Variants in CPA5 observed in about 807,000 individuals in gnomAD.
The protein encoded by CPA5 is testicular tissue protein Li 32.
In CPA5, 38 loss-of-function variants were observed where a neutral mutation model predicts 52.2. The observed-to-expected ratio is 0.73, with a 90% confidence interval of 0.56 to 0.95. CPA5 has a LOEUF of 0.95. Among genes scored for constraint, CPA5 ranks in the 40% least tolerant of loss-of-function variants. The probability of loss-of-function intolerance (pLI) is 0.00; values close to 1 mark genes in which losing one functional copy is unlikely to be tolerated. For synonymous variants in CPA5, 198 were observed against 213.7 expected (o/e 0.93, Z 0.64); for missense variants, 519 against 566.7 (o/e 0.92, Z 0.86).
At chr7:130,349,034 C>T (rs1794956885) in intron 4 of CPA5, among the ~76,000 whole-genome samples, 1 of 152,164 alleles carries the variant, frequency 6.6e-6, no homozygotes, top group Non-Finnish European at 1.5e-5. Flanking sequence ...AACCCTTATT[C>T]GACTTAATAA....
In CPA5 at chr7:130,361,554, G is replaced by A. The variant is rs145113832; in HGVS notation, c.534+310G>A. 7.9e-3 allele frequency among the ~76,000 whole-genome samples: 1,209 copies of A among 152,234 alleles called. 57 individuals carry two copies. Among genetic ancestry groups the A allele is most frequent in the Admixed American group, 0.071 (1,081 of 15,288 alleles). On this transcript the variant is annotated intron_variant, in intron 7 of 12. Transcript: ENST00000474905. ...GGGGTGTGAGTGTGGGTGAGCTGGC[G>A]TTCTATTACCTCAGTTGCTTCATCT...
At chr7:130,362,335 G>A (rs1795833534) in intron 7 of CPA5, 103 bp from the exon 8 acceptor site, 2 of 731,004 alleles carry the variant, frequency 2.7e-6, no homozygotes, top group Non-Finnish European at 4.7e-6. Flanking sequence ...GCTTAAAGCT[G>A]CCCCAGGCAC....
chr7:130,358,377 G>T (rs573873053), intron 5 of CPA5, among the ~76,000 whole-genome samples: 1 of 152,082 alleles, frequency 6.6e-6, no homozygotes, highest in African/African-American at 2.4e-5. Flanking sequence ...TAGAATGCCT[G>T]GTTCTTATCT....
intron 5 of CPA5, among the ~76,000 whole-genome samples, chr7:130,354,628 G>C (rs1337727763): frequency 4.0e-5 from 6 of 151,896 alleles, no homozygotes; most frequent in Admixed American, 1.3e-4. Context: ...TGGCCAGGCT[G>C]GTCCCAAACT....
At chr7:130,364,747 G>C (rs1360910523) in intron 10 of CPA5, among the ~76,000 whole-genome samples, 1 of 152,266 alleles carries the variant, frequency 6.6e-6, no homozygotes, top group Non-Finnish European at 1.5e-5. Flanking sequence ...CAGTGAGGGG[G>C]AGGGGGCAGC....
intron 5 of CPA5, among the ~76,000 whole-genome samples, chr7:130,358,141 C>G (rs747882030): frequency 6.6e-6 from 1 of 151,992 alleles, no homozygotes; most frequent in East Asian, 1.9e-4. Flanking sequence ...TGCGGGCATG[C>G]GTCACCAAGC....
At chr7:130,347,939 T>C in intron 4 of CPA5, 92 bp downstream of exon 4, 1 of 980,530 alleles carries the variant, frequency 1.0e-6, no homozygotes, top group Non-Finnish European at 1.6e-6. Flanking sequence ...ATCCCAAACC[T>C]GCCCTCCTGA....
intron 5 of CPA5, among the ~76,000 whole-genome samples, chr7:130,358,377 G>A (rs573873053): frequency 3.9e-5 from 6 of 152,082 alleles, no homozygotes; most frequent in African/African-American, 1.4e-4. Context: ...TAGAATGCCT[G>A]GTTCTTATCT....
chr7:130,374,074 C>T, the CPA5 span, among the ~76,000 whole-genome samples: 1 of 152,082 alleles, frequency 6.6e-6, no homozygotes, highest in Non-Finnish European at 1.5e-5. Context: ...CAGACCCGGT[C>T]CCAGGCATGT....
At chr7:130,361,313 G>A in intron 7 of CPA5, 69 bp downstream of exon 7, 1 of 1,094,396 alleles carries the variant, frequency 9.1e-7, no homozygotes, top group Admixed American at 1.8e-5. Context: ...GATCTCATAT[G>A]GGGTAGTGGC....
chr7:130,357,587 T>C (rs1554405524), intron 5 of CPA5, among the ~76,000 whole-genome samples: 2 of 149,992 alleles, frequency 1.3e-5, no homozygotes, highest in South Asian at 2.1e-4. Context: ...CACGCCACTG[T>C]ACTCCAGCCT....
rs1247875100 is a variant in CPA5 at position 130,362,989 on chromosome 7, A to G, written c.742A>G (p.Ser248Gly). 1 of 1,594,358 alleles carries G rather than the reference A, an allele frequency of 6.3e-7. No individual in the cohort carries two copies. The highest frequency in any genetic ancestry group is 8.6e-7 in the Non-Finnish European group (1 of 1,162,268). The change falls in exon 9 of 13, where the codon AGC becomes GGC. Residue 248 changes from serine (S) to glycine (G), a missense_variant. Ser to Gly is a moderately conservative substitution (Grantham distance 56). Coordinates refer to ENST00000474905, the MANE Select transcript of CPA5 (RefSeq NM_080385.5). ...TNPDGFAFTH[S>G]MNRLWRKNKS... ...CCCTGATGGGTTTGCTTTTACCCAC[A>G]GCATGGTGAGGGAACCTGGGAAGGA... is the stretch of plus-strand genomic sequence containing the variant.
chr7:130,364,670 A>C (rs755534744), intron 10 of CPA5, among the ~76,000 whole-genome samples: 4 of 152,192 alleles, frequency 2.6e-5, no homozygotes, highest in Non-Finnish European at 4.4e-5. Context: ...GGCTGGCTTG[A>C]GCCTGATTTT....
chr7:130,354,151 C>T (rs1207216522), intron 5 of CPA5, among the ~76,000 whole-genome samples: 1 of 152,112 alleles, frequency 6.6e-6, no homozygotes, highest in Non-Finnish European at 1.5e-5. Flanking sequence ...TGCTCTTGAA[C>T]TCCTGGGCTC....
At chr7:130,357,950 C>CTGTGTGTG (rs1491444787) in intron 5 of CPA5, among the ~76,000 whole-genome samples, 7 of 77,868 alleles carry the variant, frequency 9.0e-5, no homozygotes, top group South Asian at 5.5e-4. Context: ...GTTTTTGTGC[C>CTGTGTGTG]TCTGTGTGTG....
chr7:130,361,682 C>A (rs1400872642), intron 7 of CPA5, among the ~76,000 whole-genome samples: 1 of 152,212 alleles, frequency 6.6e-6, no homozygotes, highest in Admixed American at 6.5e-5. Flanking sequence ...AGCCTCCCAG[C>A]CCTTCACAGG....
chr7:130,354,645 C>T (rs1469155985), intron 5 of CPA5, among the ~76,000 whole-genome samples: 1 of 152,128 alleles, frequency 6.6e-6, no homozygotes, highest in African/African-American at 2.4e-5. Context: ...AACTCCTGGC[C>T]TCAAGTGATC....
intron 5 of CPA5, among the ~76,000 whole-genome samples, chr7:130,356,521 C>T (rs1562953645): frequency 6.6e-6 from 1 of 152,244 alleles, no homozygotes; most frequent in Admixed American, 6.5e-5. Context: ...AACGCTGGTG[C>T]ATTTTCCAGG....
At chr7:130,348,401 A>T (rs1369676832) in intron 4 of CPA5, among the ~76,000 whole-genome samples, 1 of 152,216 alleles carries the variant, frequency 6.6e-6, no homozygotes, top group Non-Finnish European at 1.5e-5. Context: ...ATATTCCTGG[A>T]TGTGGTCAAA....
Sources: gnomAD v4.1 joint callset for allele counts (sites outside exome capture counted in the v4.1 genomes callset) on GRCh38, gnomAD v4.1.1 for gene constraint, MANE v1.5 for transcripts, NCBI Gene and HGNC (gene_info 2026-07-23, HGNC 2026-07-21) for gene names.